SSR3: variants seen among roughly 807,000 people sequenced by gnomAD.
The protein encoded by SSR3 is signal sequence receptor subunit 3.
SSR3 carries 10 observed loss-of-function variants against 22.1 expected under a neutral mutation model. The ratio of observed to expected loss-of-function variants is 0.45; its 90% CI spans 0.28 to 0.77. SSR3 has a LOEUF of 0.77. SSR3 is among the 30% of genes least tolerant of loss of function. The pLI, the probability that SSR3 is intolerant of heterozygous loss-of-function variation, is 0.13. For synonymous variants in SSR3, 104 were observed against 82.5 expected, an observed-to-expected ratio of 1.26 and a Z score of -1.42; for missense variants, 181 against 220.5, an observed-to-expected ratio of 0.82 and a Z score of 1.13.
intron 2 of SSR3, among the ~76,000 whole-genome samples, chr3:156,550,334 A>G (rs150161862): frequency 1.3e-5 from 2 of 152,350 alleles, no homozygotes; most frequent in Admixed American, 6.5e-5. Flanking sequence ...GGTTGTCACT[A>G]TGTGTCTTTA....
At position 156,552,872 on chromosome 3, in the gene SSR3, A is replaced by T. The variant is rs369691405; in HGVS notation, c.260+783T>A. Among the ~76,000 whole-genome samples the T allele has an allele frequency of 4.6e-5, 7 of 152,314 alleles. No homozygotes were observed. In the East Asian group the frequency reaches 7.7e-4, roughly 17 times the overall value. ...GCATTTTAACCTCTATGAAACTAGAATATTTAATTGCTTATAATTAAGGTA... is the reference window on the plus strand; with the variant it reads ...GCATTTTAACCTCTATGAAACTAGATTATTTAATTGCTTATAATTAAGGTA... On this transcript the variant is annotated intron_variant, in intron 2 of 4. Transcript: ENST00000265044.
At chr3:156,554,401 A>G (rs1231035320) in intron 1 of SSR3, among the ~76,000 whole-genome samples, 1 of 152,238 alleles carries the variant, frequency 6.6e-6, no homozygotes, top group Non-Finnish European at 1.5e-5. Flanking sequence ...GAATTGGTCC[A>G]GTAGGATTAT....
intron 2 of SSR3, among the ~76,000 whole-genome samples, chr3:156,550,950 C>T (rs771975823): frequency 1.1e-4 from 17 of 152,290 alleles, no homozygotes; most frequent in South Asian, 2.1e-4. Flanking sequence ...ATTATGCCCA[C>T]GGCCACACAT....
At chr3:156,544,570 T>C (rs1719694040) in intron 3 of SSR3, 131 bp from the exon 4 acceptor site, 1 of 642,998 alleles carries the variant, frequency 1.6e-6, no homozygotes. Context: ...GTGTTTGTAA[T>C]ATTAGATTTA....
chr3:156,548,809 G>A, intron 3 of SSR3, 96 bp downstream of exon 3: 1 of 1,500,782 alleles, frequency 6.7e-7, no homozygotes, highest in African/African-American at 1.4e-5. Context: ...ATTTACCTCA[G>A]ACAATTCCAA....
intron 2 of SSR3, 23 bp downstream of exon 2, chr3:156,553,631 CT>C: frequency 6.2e-7 from 1 of 1,606,826 alleles, no homozygotes; most frequent in Non-Finnish European, 8.5e-7. Flanking sequence ...GTAGTACGTA[CT>C]TTCACTTGAA....
intron 3 of SSR3, among the ~76,000 whole-genome samples, chr3:156,545,999 A>T (rs1719746200): frequency 6.6e-6 from 1 of 152,198 alleles, no homozygotes; most frequent in South Asian, 2.1e-4. Flanking sequence ...TTTACTCTAG[A>T]TGATAAAATT....
chr3:156,552,243 G>A (rs1392807314), intron 2 of SSR3, among the ~76,000 whole-genome samples: 1 of 150,952 alleles, frequency 6.6e-6, no homozygotes, highest in African/African-American at 2.4e-5. Flanking sequence ...GGCAGAGGTT[G>A]CAGTAAGCCA....
At chr3:156,553,882 A>T in intron 1 of SSR3, 101 bp from the exon 2 acceptor site, 15 of 1,227,112 alleles carry the variant, frequency 1.2e-5, no homozygotes, top group African/African-American at 1.5e-5. Context: ...CTGGTAAAAT[A>T]CCAGGTTATT....
chr3:156,553,892 T>C (rs560080107), intron 1 of SSR3, 111 bp from the exon 2 acceptor site: 1 of 1,092,080 alleles, frequency 9.2e-7, no homozygotes, highest in African/African-American at 1.6e-5. Flanking sequence ...ACCAGGTTAT[T>C]AGTTATGCAA....
At chr3:156,550,960 T>C (rs1719932032) in intron 2 of SSR3, among the ~76,000 whole-genome samples, 1 of 152,166 alleles carries the variant, frequency 6.6e-6, no homozygotes. Context: ...CGGCCACACA[T>C]TTAAGAGTGG....
chr3:156,554,793 T>C, intron 1 of SSR3, 164 bp downstream of exon 1: 1 of 880,022 alleles, frequency 1.1e-6, no homozygotes. Flanking sequence ...GACAACACTG[T>C]GCCCAAAGAA....
intron 2 of SSR3, among the ~76,000 whole-genome samples, chr3:156,552,303 C>CAAAAAAAAAA (rs1234560296): frequency 1.3e-5 from 1 of 76,628 alleles, no homozygotes; most frequent in Non-Finnish European, 2.6e-5. Context: ...GAGTCTGTCT[C>CAAAAAAAAAA]AAAAAAAAAA....
chr3:156,553,972 A>G, intron 1 of SSR3, 191 bp from the exon 2 acceptor site: 1 of 454,568 alleles, frequency 2.2e-6, no homozygotes, highest in Non-Finnish European at 3.7e-6. Context: ...TTTCCAGTTC[A>G]GAACATTTGA....
chr3:156,543,061 T>C lies in SSR3; in HGVS notation c.*142A>G. 1 of 539,702 alleles carries C rather than the reference T, an allele frequency of 1.9e-6. No homozygotes were observed. Among genetic ancestry groups the C allele is most frequent in the Non-Finnish European group, 3.2e-6 (1 of 311,880 alleles). 33.4% of individuals were successfully genotyped at this position (539,702 alleles called of 1,614,324 possible). On this transcript the variant is annotated 3_prime_UTR_variant, in exon 5 of 5. Transcript: ENST00000265044. Reference sequence around the variant, plus strand: ...TGTCAAAAAACAGCCAATAAACAAATACTGAATTACATTCTGCTGGGTTTT... The same window carrying C: ...TGTCAAAAAACAGCCAATAAACAAACACTGAATTACATTCTGCTGGGTTTT...
intron 2 of SSR3, among the ~76,000 whole-genome samples, chr3:156,550,919 TC>T (rs1365831113): frequency 6.6e-6 from 1 of 152,146 alleles, no homozygotes; most frequent in Non-Finnish European, 1.5e-5. Context: ...AGCTGAGGAA[TC>T]TGAAGTCTAC....
At position 156,541,795 on chromosome 3, in the gene SSR3, A is replaced by G. The variant is rs1719529425; in HGVS notation, c.*1408T>C. On this transcript the variant is annotated 3_prime_UTR_variant, in exon 5 of 5. Coordinates refer to ENST00000265044, the MANE Select transcript of SSR3 (RefSeq NM_007107.5). ...TGCAGACTTCTAGAAGCAATGATGA[A>G]ATATAATTCTCAGTTGCAGAAAATG... The G allele has an allele frequency of 6.6e-6, 1 of 152,178 alleles. No homozygotes were observed. The highest frequency in any genetic ancestry group is 6.5e-5 in the Admixed American group (1 of 15,280). The allele number at this position is 152,178 out of a possible 1,614,324, so 9.4% of individuals were successfully genotyped here. A position where few individuals can be genotyped will look rare whatever the true frequency, so the allele number is the denominator to read the frequency against.
chr3:156,542,640 A>G lies in SSR3; in HGVS notation c.*563T>C, dbSNP rs1054294845. 3 of 150,796 alleles carry G rather than the reference A, an allele frequency of 2.0e-5. No individual in the cohort carries two copies. Among genetic ancestry groups the G allele is most frequent in the Non-Finnish European group, 2.9e-5 (2 of 68,020 alleles). The allele number at this position is 150,796 out of a possible 1,614,324, so 9.3% of individuals were successfully genotyped here. A position where few individuals can be genotyped will look rare whatever the true frequency, so the allele number is the denominator to read the frequency against. ...GCCCTTCTTTAAGAAAAAAAAAAGA[A>G]AAAAAAAGAACTTTTCCACAAGTTT... On this transcript the variant is annotated 3_prime_UTR_variant, in exon 5 of 5. Transcript: ENST00000265044.
intron 2 of SSR3, among the ~76,000 whole-genome samples, chr3:156,553,189 T>C (rs1334872535): frequency 6.6e-6 from 1 of 152,068 alleles, no homozygotes; most frequent in Non-Finnish European, 1.5e-5. Context: ...CCTGGGAAGG[T>C]TGAGGCTGCA....
Sources: gnomAD v4.1 joint callset for allele counts (sites outside exome capture counted in the v4.1 genomes callset) on GRCh38, gnomAD v4.1.1 for gene constraint, MANE v1.5 for transcripts, NCBI Gene and HGNC (gene_info 2026-07-23, HGNC 2026-07-21) for gene names.